Variants in INTS6L observed in about 807,000 individuals in gnomAD.
INTS6L encodes integrator complex subunit 6-like.
Under a neutral mutation model 64.7 loss-of-function variants are expected in INTS6L, and 18 were observed. That is an observed-to-expected ratio of 0.28 (90% CI 0.19 to 0.41). The LOEUF (loss-of-function observed/expected upper bound fraction) is 0.41, where lower values mean the gene tolerates loss of function less well. Among genes scored for constraint, INTS6L ranks in the 10% least tolerant of loss-of-function variants. The pLI is 1.00. For missense variants in INTS6L, 533 were observed against 661.0 expected (o/e 0.81, Z 2.12); for synonymous variants, 227 against 235.9 (o/e 0.96, Z 0.34).
chrX:135,552,230 C>T, intron 8 of INTS6L, 84 bp downstream of exon 8: 1 of 990,478 alleles, frequency 1.0e-6, no homozygotes, highest in Non-Finnish European at 1.3e-6. Flanking sequence ...AGGTTATTCT[C>T]AAAATAATTG....
At chrX:135,568,097 G>A (rs2086999181) in intron 9 of INTS6L, among the ~76,000 whole-genome samples, 1 of 111,319 alleles carries the variant, frequency 9.0e-6, no homozygotes, top group South Asian at 3.7e-4. Context: ...TATAGTATGT[G>A]TGGCAGATTC....
In INTS6L at chrX:135,520,802, G is replaced by A; in HGVS notation, c.-191G>A. ...TCACACTTTCAAGTTCCCTTGGAGG[G>A]AGAGGAGGTGGGGCTGCAGAAAGAG... On this transcript the variant is annotated 5_prime_UTR_variant, in exon 1 of 18. Transcript: ENST00000639893. 2 of 441,500 alleles carry A rather than the reference G, an allele frequency of 4.5e-6. No individual in the cohort carries two copies. Among genetic ancestry groups the A allele is most frequent in the East Asian group, 7.5e-5 (2 of 26,697 alleles). The allele number at this position is 441,500 out of a possible 1,213,427, so 36.4% of individuals were successfully genotyped here.
chrX:135,545,160 A>G (rs905472110), intron 2 of INTS6L, among the ~76,000 whole-genome samples: 1 of 112,193 alleles, frequency 8.9e-6, no homozygotes, highest in Admixed American at 9.5e-5. Flanking sequence ...CCTGAACAGA[A>G]AACTGGACCT....
At chrX:135,527,397 G>A (rs2085769679) in intron 2 of INTS6L, among the ~76,000 whole-genome samples, 1 of 112,356 alleles carries the variant, frequency 8.9e-6, no homozygotes, top group Middle Eastern at 4.6e-3. Context: ...GACCAGAATA[G>A]TAAAAGACAT....
intron 13 of INTS6L, 51 bp downstream of exon 13, chrX:135,574,113 T>C (rs782476417): frequency 6.2e-6 from 7 of 1,135,499 alleles, no homozygotes; most frequent in South Asian, 2.2e-5. Flanking sequence ...ATGCCAGGCA[T>C]GACTTACAGG....
In INTS6L at chrX:135,547,275, A is replaced by G; in HGVS notation, c.742+10A>G. The G allele has an allele frequency of 1.7e-6, 2 of 1,196,017 alleles. No homozygotes were observed. Among genetic ancestry groups the G allele is most frequent in the Non-Finnish European group, 2.2e-6 (2 of 890,308 alleles). On this transcript the variant is annotated intron_variant, in intron 6 of 17. Coordinates refer to ENST00000639893, the MANE Select transcript of INTS6L (RefSeq NM_001351601.3). The stretch of plus-strand genomic sequence containing the variant: ...CTTCCTATTGGAGAAGGTATAGTAG[A>G]TAACTTTTTTAACCCTAAAGTGTTA...
At chrX:135,529,651 A>G (rs1340729262) in intron 2 of INTS6L, among the ~76,000 whole-genome samples, 13 of 111,975 alleles carry the variant, frequency 1.2e-4, no homozygotes, top group Non-Finnish European at 2.3e-4. Context: ...TATAGCCCTA[A>G]TTTTGGATCC....
intron 9 of INTS6L, among the ~76,000 whole-genome samples, chrX:135,560,121 T>TA (rs1372410068): frequency 8.9e-6 from 1 of 112,656 alleles, no homozygotes; most frequent in East Asian, 2.8e-4. Flanking sequence ...GTTTTCCACT[T>TA]ACAAATACGG....
chrX:135,537,974 C>T (rs1469431998), intron 2 of INTS6L, among the ~76,000 whole-genome samples: 1 of 112,505 alleles, frequency 8.9e-6, no homozygotes, highest in Admixed American at 9.4e-5. Context: ...AGCTTTCAGC[C>T]AGTCATAATC....
At chrX:135,550,135 CACA>C (rs782810285) in intron 7 of INTS6L, among the ~76,000 whole-genome samples, 5 of 112,370 alleles carry the variant, frequency 4.4e-5, no homozygotes, top group Non-Finnish European at 7.5e-5. Flanking sequence ...ACGTGGCAAA[CACA>C]ACGTCTAAAA....
intron 2 of INTS6L, among the ~76,000 whole-genome samples, chrX:135,543,459 C>T (rs2086276296): frequency 9.0e-6 from 1 of 111,658 alleles, no homozygotes; most frequent in African/African-American, 3.3e-5. Flanking sequence ...TCCATCCCAT[C>T]AGTATTTCTC....
At chrX:135,552,703 G>A (rs1459361045) in intron 8 of INTS6L, among the ~76,000 whole-genome samples, 1 of 112,482 alleles carries the variant, frequency 8.9e-6, no homozygotes, top group Non-Finnish European at 1.9e-5. Flanking sequence ...GCTCTTCCAA[G>A]TGTTACACTT....
chrX:135,545,483 G>A lies in INTS6L; in HGVS notation c.250G>A (p.Gly84Arg), dbSNP rs1251856006. ...CGAACTAAAAAATCTTCAGGCTTCT[G>A]GACTGACTACTCTCGGTCAGGCTCT... ...MSELKNLQAS[G>R]LTTLGQALRS... Residue 84 changes from glycine to arginine, a missense_variant, in exon 3 of 18, where the codon GGA (glycine) becomes AGA (arginine). Coordinates refer to ENST00000639893, the MANE Select transcript of INTS6L (RefSeq NM_001351601.3). The A allele has an allele frequency of 5.8e-6, 7 of 1,208,380 alleles. No individual in the cohort carries two copies. Among genetic ancestry groups the A allele is most frequent in the Non-Finnish European group, 7.8e-6 (7 of 894,704 alleles).
intron 8 of INTS6L, among the ~76,000 whole-genome samples, chrX:135,554,667 G>A (rs1556518420): frequency 9.1e-6 from 1 of 110,170 alleles, no homozygotes. Flanking sequence ...TAAAGGACCA[G>A]GTCTCTAAAA....
At chrX:135,552,586 A>G (rs1445276521) in intron 8 of INTS6L, among the ~76,000 whole-genome samples, 1 of 112,186 alleles carries the variant, frequency 8.9e-6, no homozygotes, top group Non-Finnish European at 1.9e-5. Flanking sequence ...TTAGTGTAAT[A>G]TAATAAAACT....
chrX:135,523,484 T>G (rs2085652032), intron 2 of INTS6L, among the ~76,000 whole-genome samples: 1 of 110,851 alleles, frequency 9.0e-6, no homozygotes, highest in Non-Finnish European at 1.9e-5. Flanking sequence ...AAAGATAGTT[T>G]TCCATCTGTA....
At chrX:135,524,932 ATC>A (rs1556500354) in intron 2 of INTS6L, among the ~76,000 whole-genome samples, 3 of 112,547 alleles carry the variant, frequency 2.7e-5, no homozygotes, top group Non-Finnish European at 5.6e-5. Flanking sequence ...CATGTGCTAC[ATC>A]TGTTATGTTG....
Position 135,572,914 on chromosome X carries a change from T to C in INTS6L, c.1498T>C (p.Leu500=). ...AAATCATTCTGGAGGTGGCATGTCC[T>C]TGACTCACAATAAAAATTTTAGAAA... ...VKNHSGGGMS[L]THNKNFRKLL... Residue 500 remains leucine, a synonymous_variant, in exon 12 of 18, where the codon TTG becomes CTG. Coordinates refer to ENST00000639893, the MANE Select transcript of INTS6L (RefSeq NM_001351601.3). The C allele has an allele frequency of 8.3e-7, 1 of 1,211,355 alleles. No individual in the cohort carries two copies. The highest frequency in any genetic ancestry group is 1.1e-6 in the Non-Finnish European group (1 of 895,146).
In INTS6L at chrX:135,581,485, CT is replaced by C. The variant is rs782778497; in HGVS notation, c.2589-40del. On this transcript the variant is annotated intron_variant, in intron 17 of 17. Coordinates refer to ENST00000639893, the MANE Select transcript of INTS6L (RefSeq NM_001351601.3). ...CACAGTGCCTTGAACATCATGAGTA[CT>C]TTAAGTATCTTTTGGTTCATAAAAT... 822 of 1,011,553 alleles carry C rather than the reference CT, an allele frequency of 8.1e-4. 3 individuals carry two copies. In the African/African-American group the frequency reaches 0.013, roughly 16 times the overall value. 83.4% of individuals were successfully genotyped at this position (1,011,553 alleles called of 1,213,427 possible). A position where few individuals can be genotyped will look rare whatever the true frequency, so the allele number is the denominator to read the frequency against.
Sources: gnomAD v4.1 joint callset for allele counts (sites outside exome capture counted in the v4.1 genomes callset) on GRCh38, gnomAD v4.1.1 for gene constraint, MANE v1.5 for transcripts, NCBI Gene and HGNC (gene_info 2026-07-23, HGNC 2026-07-21) for gene names.